The following ARAP2 variants were observed in gnomAD, a reference collection of about 807,000 sequenced individuals.
ARAP2 encodes ArfGAP with RhoGAP domain, ankyrin repeat and PH domain 2, also known as arf-GAP with Rho-GAP domain, ANK repeat and PH domain-containing protein 2.
Under a neutral mutation model 194.5 loss-of-function variants are expected in ARAP2, and 148 were observed. The ratio of observed to expected loss-of-function variants is 0.76; its 90% CI spans 0.67 to 0.87. The LOEUF (loss-of-function observed/expected upper bound fraction) is 0.87. ARAP2 is among the 40% of genes least tolerant of loss of function. The probability of loss-of-function intolerance (pLI) is 0.00; values close to 1 mark genes in which losing one functional copy is unlikely to be tolerated. For missense variants in ARAP2, 2,128 were observed against 1,989.7 expected (o/e 1.07, Z -1.32); for synonymous variants, 695 against 683.5 (o/e 1.02, Z -0.26).
Position 36,229,220 on chromosome 4 carries a change from A to C in ARAP2, c.267T>G (p.Pro89=), listed in dbSNP as rs760351704. The change falls in exon 2 of 33, where the codon CCT becomes CCG. Residue 89 remains proline, a synonymous_variant. Coordinates refer to ENST00000303965, the MANE Select transcript of ARAP2 (RefSeq NM_015230.4). The part of the protein sequence containing the change: ...NVHKTKKNDD[P]SKDYHVPSSD... ...AAGATGGAACATGGTAATCCTTTGAAGGGTCATCATTCTTCTTAGTTTTAT... is the reference window on the plus strand; with the variant it reads ...AAGATGGAACATGGTAATCCTTTGACGGGTCATCATTCTTCTTAGTTTTAT... The C allele has an allele frequency of 6.2e-7, 1 of 1,614,098 alleles. No individual in the cohort carries two copies.
At chr4:36,053,083 C>T (rs1722948343) in intron 2 of ARAP2, among the ~76,000 whole-genome samples, 1 of 152,086 alleles carries the variant, frequency 6.6e-6, no homozygotes, top group Non-Finnish European at 1.5e-5. Flanking sequence ...TCTTGGCTCA[C>T]TGCAACCTCC....
intron 5 of ARAP2, among the ~76,000 whole-genome samples, chr4:36,027,731 A>C (rs1469671462): frequency 6.6e-6 from 1 of 152,168 alleles, no homozygotes; most frequent in East Asian, 1.9e-4. Context: ...AGAGAGGTTA[A>C]GTGACTTACC....
chr4:36,079,997 A>G (rs1400331548), intron 31 of ARAP2, among the ~76,000 whole-genome samples: 1 of 152,190 alleles, frequency 6.6e-6, no homozygotes, highest in Non-Finnish European at 1.5e-5. Context: ...CTGGCAGAAA[A>G]GACGCTTTAA....
At chr4:36,123,024 T>C (rs1723027949) in intron 22 of ARAP2, among the ~76,000 whole-genome samples, 1 of 151,798 alleles carries the variant, frequency 6.6e-6, no homozygotes, top group Non-Finnish European at 1.5e-5. Flanking sequence ...CCAAATTGCA[T>C]AGCAGAGATG....
intron 20 of ARAP2, among the ~76,000 whole-genome samples, chr4:36,129,596 A>C (rs965166646): frequency 6.6e-6 from 1 of 151,754 alleles, no homozygotes; most frequent in Non-Finnish European, 1.5e-5. Context: ...ATGATATCAT[A>C]ATTTCATATC....
intron 2 of ARAP2, among the ~76,000 whole-genome samples, chr4:36,221,605 A>C (rs2109312686): frequency 6.6e-6 from 1 of 152,248 alleles, no homozygotes; most frequent in South Asian, 2.1e-4. Context: ...CCAATAAATA[A>C]AATGTGAAGA....
At chr4:36,079,093 GA>G (rs1728901959) in intron 31 of ARAP2, among the ~76,000 whole-genome samples, 1 of 139,886 alleles carries the variant, frequency 7.1e-6, no homozygotes, top group Non-Finnish European at 1.5e-5. Context: ...AGAATCACTT[GA>G]ACCCAGGAGG....
chr4:36,229,592 A>G lies in ARAP2; in HGVS notation c.-106T>C, dbSNP rs762318177. On this transcript the variant is annotated 5_prime_UTR_variant, in exon 2 of 33. Coordinates refer to ENST00000303965, the MANE Select transcript of ARAP2 (RefSeq NM_015230.4). ...GCTTTTCCTCTATCAATTGTGACAG[A>G]AAAGTTTCTTAAAATGTTATTTTCT... 4.0e-5 allele frequency: 35 copies of G among 876,848 alleles called. No individual in the cohort carries two copies. In the Middle Eastern group the frequency reaches 1.1e-3, roughly 27 times the overall value. The allele number at this position is 876,848 out of a possible 1,614,324, so 54.3% of individuals were successfully genotyped here.
At chr4:36,167,823 G>A (rs933409658) in intron 9 of ARAP2, among the ~76,000 whole-genome samples, 2 of 152,076 alleles carry the variant, frequency 1.3e-5, no homozygotes, top group African/African-American at 4.8e-5. Context: ...CATTCTAAAA[G>A]CATTAAAGTT....
At chr4:36,046,864 A>G (rs750779781) in intron 3 of ARAP2, 21 of 152,224 alleles carry the variant, frequency 1.4e-4, no homozygotes, top group Non-Finnish European at 2.8e-4. Context: ...TTAGGACAGG[A>G]AGATAACTTC....
intron 28 of ARAP2, among the ~76,000 whole-genome samples, chr4:36,083,821 G>A (rs1254532067): frequency 6.6e-6 from 1 of 152,130 alleles, no homozygotes. Flanking sequence ...GTTCCTGGGT[G>A]TGTCTGTGAG....
chr4:36,079,536 TG>T (rs1729035612), intron 31 of ARAP2, among the ~76,000 whole-genome samples: 1 of 152,144 alleles, frequency 6.6e-6, no homozygotes, highest in Non-Finnish European at 1.5e-5. Context: ...TAGACAAGGT[TG>T]GGAAACAAAC....
intron 22 of ARAP2, among the ~76,000 whole-genome samples, chr4:36,121,776 G>A (rs1183102151): frequency 2.0e-5 from 3 of 151,750 alleles, no homozygotes; most frequent in Non-Finnish European, 2.9e-5. Context: ...CAGGTGCCAA[G>A]CTGGGCTAAA....
chr4:36,061,234 A>G (rs1298405862), downstream of ARAP2, among the ~76,000 whole-genome samples: 12 of 152,134 alleles, frequency 7.9e-5, no homozygotes, highest in Non-Finnish European at 1.6e-4. Flanking sequence ...TCTTTTAGTT[A>G]TTTTAAAATG....
At chr4:36,125,060 A>C in intron 21 of ARAP2, 93 bp from the exon 22 acceptor site, 1 of 726,702 alleles carries the variant, frequency 1.4e-6, no homozygotes, top group Non-Finnish European at 2.3e-6. Flanking sequence ...GTCACAAACA[A>C]ATGCATTTTA....
chr4:36,104,342 T>C (rs374553149), intron 27 of ARAP2, among the ~76,000 whole-genome samples: 21 of 152,092 alleles, frequency 1.4e-4, no homozygotes, highest in African/African-American at 5.1e-4. Context: ...CTAGTTTATC[T>C]GCTAACACAA....
intron 31 of ARAP2, among the ~76,000 whole-genome samples, chr4:36,078,916 G>GT (rs1295586058): frequency 6.6e-6 from 1 of 152,058 alleles, no homozygotes; most frequent in East Asian, 1.9e-4. Context: ...GCTCATGCCT[G>GT]TAATCCTAGC....
chr4:36,013,903 T>C (rs1715029393), intron 8 of ARAP2, among the ~76,000 whole-genome samples: 1 of 152,072 alleles, frequency 6.6e-6, no homozygotes, highest in African/African-American at 2.4e-5. Context: ...ATATTTCTCA[T>C]CAAGAACAGT....
At chr4:36,039,800 G>A (rs574498455) in intron 5 of ARAP2, among the ~76,000 whole-genome samples, 1 of 152,194 alleles carries the variant, frequency 6.6e-6, no homozygotes, top group Non-Finnish European at 1.5e-5. Context: ...CATAAAGAAA[G>A]GCATGAAGAC....
Sources: allele counts gnomAD v4.1 joint callset (sites outside exome capture counted in the v4.1 genomes callset), GRCh38; gene constraint gnomAD v4.1.1; transcripts MANE v1.5; gene names NCBI Gene and HGNC (gene_info 2026-07-23, HGNC 2026-07-21).